The following KLHL1 variants were observed in gnomAD, a reference collection of about 807,000 sequenced individuals.
KLHL1 encodes kelch like family member 1.
KLHL1 carries 47 observed loss-of-function variants against 77.7 expected under a neutral mutation model. The ratio of observed to expected loss-of-function variants is 0.60; its 90% CI spans 0.48 to 0.77. The LOEUF is 0.77. Among genes scored for constraint, KLHL1 ranks in the 30% least tolerant of loss-of-function variants. The pLI, the probability that KLHL1 is intolerant of heterozygous loss-of-function variation, is 0.00. For missense variants in KLHL1, 925 were observed against 910.8 expected (o/e 1.02, Z -0.20); for synonymous variants, 360 against 325.2 (o/e 1.11, Z -1.15).
intron 1 of KLHL1, among the ~76,000 whole-genome samples, chr13:70,057,535 G>C (rs1343023814): frequency 6.8e-6 from 1 of 147,888 alleles, no homozygotes; most frequent in African/African-American, 2.5e-5. Context: ...CCAGCACTTT[G>C]GGAGGCCGAG....
chr13:70,050,218 C>A (rs997759864), intron 1 of KLHL1, among the ~76,000 whole-genome samples: 1 of 151,604 alleles, frequency 6.6e-6, no homozygotes, highest in African/African-American at 2.4e-5. Context: ...CAAAAGGAAA[C>A]CTTTTGATCA....
chr13:69,996,133 T>C (rs1422397075), intron 1 of KLHL1, among the ~76,000 whole-genome samples: 1 of 152,048 alleles, frequency 6.6e-6, no homozygotes. Context: ...TAAAACCCTG[T>C]CTCTACTAAA....
At chr13:69,995,774 G>A (rs1175746564) in intron 1 of KLHL1, among the ~76,000 whole-genome samples, 1 of 152,064 alleles carries the variant, frequency 6.6e-6, no homozygotes, top group Non-Finnish European at 1.5e-5. Context: ...CCATACCCTG[G>A]TGTGTTCCAC....
Position 70,107,352 on chromosome 13 carries a change from G to T in KLHL1, c.348C>A (p.Ala116=), listed in dbSNP as rs772759522. ...GAPGQGTQQP[A]RTLFYVESLE... Reference sequence around the variant, plus strand: ...GTGACTCCACGTAGAAGAGAGTCCTGGCTGGCTGCTGAGTGCCCTGCCCAG... The same window carrying T: ...GTGACTCCACGTAGAAGAGAGTCCTTGCTGGCTGCTGAGTGCCCTGCCCAG... Residue 116 remains alanine (A), a synonymous_variant, in exon 1 of 11, where the codon GCC becomes GCA. Transcript: ENST00000377844. 1 of 1,613,990 alleles carries T rather than the reference G, an allele frequency of 6.2e-7. No individual in the cohort carries two copies. The highest frequency in any genetic ancestry group is 1.7e-5 in the Admixed American group (1 of 60,018).
intron 1 of KLHL1, among the ~76,000 whole-genome samples, chr13:70,098,370 A>G (rs1887843380): frequency 6.6e-6 from 1 of 151,852 alleles, no homozygotes; most frequent in Non-Finnish European, 1.5e-5. Context: ...TGTAATTTGC[A>G]TGTATATTCT....
chr13:70,060,119 A>G (rs962120620), intron 1 of KLHL1, among the ~76,000 whole-genome samples: 1 of 152,226 alleles, frequency 6.6e-6, no homozygotes, highest in African/African-American at 2.4e-5. Context: ...AGATCTGAAT[A>G]GACATTTTAC....
chr13:69,828,490 G>A (rs553070682), intron 6 of KLHL1, among the ~76,000 whole-genome samples: 1 of 150,186 alleles, frequency 6.7e-6, no homozygotes, highest in Non-Finnish European at 1.5e-5. Flanking sequence ...GAAACCTCCA[G>A]TTGAACTTTC....
chr13:70,012,548 T>C (rs2137340227), intron 1 of KLHL1, among the ~76,000 whole-genome samples: 1 of 152,222 alleles, frequency 6.6e-6, no homozygotes, highest in Non-Finnish European at 1.5e-5. Context: ...TTGAAGATGC[T>C]ATTTGAATGG....
At chr13:69,895,194 G>C (rs772374935) in intron 4 of KLHL1, 5 of 490,096 alleles carry the variant, frequency 1.0e-5, no homozygotes, top group Non-Finnish European at 2.0e-5. Context: ...ATTTTAACAG[G>C]CACTGAATGT....
At position 70,027,649 on chromosome 13, in the gene KLHL1, G is replaced by GTTTTTTTTTTTTTTTTTTTTTTT. The variant is rs1185282462; in HGVS notation, c.498-51848_498-51847insAAAAAAAAAAAAAAAAAAAAAAA. 8.2e-5 allele frequency among the ~76,000 whole-genome samples: 9 copies of GTTTTTTTTTTTTTTTTTTTTTTT among 109,330 alleles called. 2 individuals are homozygous for GTTTTTTTTTTTTTTTTTTTTTTT. The highest frequency in any genetic ancestry group is 4.0e-5 in the African/African-American group (1 of 24,860). The allele number at this position is 109,330 out of a possible 152,430, so 71.7% of individuals were successfully genotyped here. On this transcript the variant is annotated intron_variant, in intron 1 of 10. Coordinates refer to ENST00000377844, the MANE Select transcript of KLHL1 (RefSeq NM_020866.3). ...GGCATTTTTGAAGCGCAAAATGTAA[G>GTTTTTTTTTTTTTTTTTTTTTTT]TTGTTTTTTTTTTTTTATGAACTGA...
chr13:70,089,279 C>T (rs554154582), intron 1 of KLHL1, among the ~76,000 whole-genome samples: 1 of 152,174 alleles, frequency 6.6e-6, no homozygotes, highest in East Asian at 1.9e-4. Context: ...ACTGTTGTTG[C>T]CGTCAGTTGT....
At chr13:70,030,596 A>G (rs6562605) in intron 1 of KLHL1, among the ~76,000 whole-genome samples, 150,273 of 152,194 alleles carry the variant, frequency 0.99, 74,215 homozygotes, top group East Asian at 1. Flanking sequence ...TTAAAGCAGC[A>G]TGTAGAGGGA....
chr13:69,702,982 A>G (rs1654857185), intron 10 of KLHL1, among the ~76,000 whole-genome samples: 4 of 151,710 alleles, frequency 2.6e-5, no homozygotes, highest in Admixed American at 1.3e-4. Flanking sequence ...CACAGCATCA[A>G]TGTATGCAAA....
At chr13:69,892,510 C>G (rs1198460809) in intron 4 of KLHL1, among the ~76,000 whole-genome samples, 2 of 152,024 alleles carry the variant, frequency 1.3e-5, no homozygotes, top group African/African-American at 4.8e-5. Context: ...CTGGAAGAAT[C>G]TACTTTGATC....
chr13:69,785,875 A>T (rs1876513468), intron 7 of KLHL1, among the ~76,000 whole-genome samples: 1 of 152,226 alleles, frequency 6.6e-6, no homozygotes, highest in South Asian at 2.1e-4. Flanking sequence ...AATACTACAA[A>T]CACATCTACG....
intron 1 of KLHL1, among the ~76,000 whole-genome samples, chr13:70,099,885 C>T (rs1307456868): frequency 6.6e-6 from 1 of 151,788 alleles, no homozygotes; most frequent in Non-Finnish European, 1.5e-5. Context: ...TTTATTTATT[C>T]ATTCTTAATC....
chr13:69,869,582 C>T (rs1229412138), intron 5 of KLHL1, among the ~76,000 whole-genome samples: 1 of 152,116 alleles, frequency 6.6e-6, no homozygotes, highest in Non-Finnish European at 1.5e-5. Context: ...CTCCATTTAA[C>T]TCCAATGGAA....
intron 5 of KLHL1, among the ~76,000 whole-genome samples, chr13:69,841,674 A>G (rs1210786445): frequency 6.6e-6 from 1 of 151,910 alleles, no homozygotes; most frequent in Admixed American, 6.6e-5. Context: ...TCAAATTACC[A>G]AAGTCATTTT....
intron 1 of KLHL1, among the ~76,000 whole-genome samples, chr13:70,053,154 C>T (rs751730981): frequency 5.3e-5 from 8 of 151,752 alleles, no homozygotes; most frequent in Non-Finnish European, 1.2e-4. Flanking sequence ...AAGAAACATA[C>T]AGAATTTCAA....
Sources: gnomAD v4.1 joint callset for allele counts (sites outside exome capture counted in the v4.1 genomes callset) on GRCh38, gnomAD v4.1.1 for gene constraint, MANE v1.5 for transcripts, NCBI Gene and HGNC (gene_info 2026-07-23, HGNC 2026-07-21) for gene names.